Variants in COL6A1 observed in about 807,000 individuals in gnomAD.
COL6A1 encodes collagen alpha-1(VI) chain.
A neutral mutation model predicts 145.6 loss-of-function variants in COL6A1; 80 were observed. The observed-to-expected ratio is 0.55, with a 90% CI of 0.46 to 0.66. COL6A1 has a LOEUF of 0.66. Among genes scored for constraint, COL6A1 ranks in the 30% least tolerant of loss-of-function variants. The probability of loss-of-function intolerance (pLI) is 0.00; values close to 1 mark genes in which losing one functional copy is unlikely to be tolerated. For missense variants in COL6A1, 1,364 were observed against 1,473.8 expected, an observed-to-expected ratio of 0.93 and a Z score of 1.22; for synonymous variants, 638 against 622.8, an observed-to-expected ratio of 1.02 and a Z score of -0.36.
chr21:45,997,023 C>T (rs1000217613), intron 20 of COL6A1, among the ~76,000 whole-genome samples: 18 of 152,244 alleles, frequency 1.2e-4, no homozygotes, highest in African/African-American at 3.6e-4. Flanking sequence ...AGGTGGTCTG[C>T]GGCCTGGGGA....
intron 22 of COL6A1, 43 bp downstream of exon 22, chr21:45,997,805 G>T (rs142212607): frequency 2.3e-5 from 35 of 1,547,468 alleles, no homozygotes; most frequent in Non-Finnish European, 3.1e-5. Flanking sequence ...AGGCCTGGCC[G>T]CCAGAGGCCC....
chr21:45,988,994 G>A lies in COL6A1; in HGVS notation c.805-90G>A, dbSNP rs199519600. ...TAAAGCCCTTGATCCCTGAAGGCTG[G>A]ATGAAGCGTCTTTTTAAAAACCTGT... On this transcript the variant is annotated intron_variant, in intron 8 of 34. Transcript: ENST00000361866. 173 of 1,498,156 alleles carry A rather than the reference G, an allele frequency of 1.2e-4. 2 individuals are homozygous for A. In the East Asian group the frequency reaches 3.9e-3, roughly 34 times the overall value. 92.8% of individuals were successfully genotyped at this position (1,498,156 alleles called of 1,614,324 possible).
intron 27 of COL6A1, among the ~76,000 whole-genome samples, chr21:45,999,900 G>C (rs1569518875): frequency 1.5e-5 from 1 of 65,286 alleles, no homozygotes; most frequent in Non-Finnish European, 3.3e-5. Flanking sequence ...CCATAGAGGG[G>C]ACATGTGAGG....
chr21:46,000,477 C>A, intron 28 of COL6A1, 110 bp downstream of exon 28: 1 of 1,365,074 alleles, frequency 7.3e-7, no homozygotes, highest in Non-Finnish European at 1.0e-6. Flanking sequence ...TCTCTGGGTA[C>A]ATCCTTGAGG....
At position 45,994,347 on chromosome 21, in the gene COL6A1, C is replaced by T. The variant is rs553984686; in HGVS notation, c.1398+118C>T. ...TTCCGTTTGAGGGCCTCTGTGTTTC[C>T]GTAGATCTCGGGGGTGTCCCTGCGT... On this transcript the variant is annotated intron_variant, in intron 20 of 34. Transcript: ENST00000361866. This position sits in a 1 kb window ranked among gnomAD's most constrained non-coding sequence, Gnocchi z 6.8. 1.3e-5 allele frequency: 13 copies of T among 1,026,326 alleles called. No homozygotes were observed. The highest frequency in any genetic ancestry group is 8.4e-5 in the South Asian group (6 of 71,648). 63.6% of individuals were successfully genotyped at this position (1,026,326 alleles called of 1,614,324 possible).
intron 1 of COL6A1, 29 bp downstream of exon 1, chr21:45,981,976 A>C: frequency 6.5e-7 from 1 of 1,542,410 alleles, no homozygotes; most frequent in Non-Finnish European, 8.9e-7. Context: ...TGCAGGCTCC[A>C]GACCCCCCGC....
rs754384963 is a variant in COL6A1 at position 45,998,151 on chromosome 21, G to A, written c.1555G>A (p.Glu519Lys). 49 of 1,612,348 alleles carry A rather than the reference G, an allele frequency of 3.0e-5. No homozygotes were observed. Among genetic ancestry groups the A allele is most frequent in the African/African-American group, 2.7e-5 (2 of 74,894 alleles). ...AGACGGCCCCGCTGGAAATGGCACC[G>A]AGGGCTTCCCCGGCTTCCCCGTAAG... ...GEDGPAGNGT[E>K]GFPGFPGYPG... Residue 519 changes from glutamate (E) to lysine (K), a missense_variant, in exon 23 of 35, where the codon GAG (glutamate) becomes AAG (lysine). Coordinates refer to ENST00000361866, the MANE Select transcript of COL6A1 (RefSeq NM_001848.3).
intron 4 of COL6A1, 27 bp downstream of exon 4, chr21:45,986,712 G>T (rs772877614): frequency 2.3e-5 from 35 of 1,540,816 alleles, no homozygotes; most frequent in South Asian, 1.4e-4. Flanking sequence ...CCCGGCAGAT[G>T]CCCCCAACCA....
At chr21:45,997,876 C>T in intron 22 of COL6A1, 114 bp downstream of exon 22, 1 of 1,245,636 alleles carries the variant, frequency 8.0e-7, no homozygotes, top group South Asian at 1.4e-5. Context: ...CCGGGAGTGC[C>T]CGCAGCATCA....
chr21:45,986,698 C>T lies in COL6A1; in HGVS notation c.588+13C>T. 6 of 1,543,656 alleles carry T rather than the reference C, an allele frequency of 3.9e-6. No homozygotes were observed. Among genetic ancestry groups the T allele is most frequent in the Non-Finnish European group, 5.2e-6 (6 of 1,146,588 alleles). Reference sequence around the variant, plus strand: ...ACCCGACCACCTGGTAGGCACCGGCCCCCCCCGGCAGATGCCCCCAACCAC... The same window carrying T: ...ACCCGACCACCTGGTAGGCACCGGCTCCCCCCGGCAGATGCCCCCAACCAC... On this transcript the variant is annotated intron_variant, in intron 4 of 34. Coordinates refer to ENST00000361866, the MANE Select transcript of COL6A1 (RefSeq NM_001848.3).
chr21:46,000,945 T>C, intron 29 of COL6A1, 178 bp downstream of exon 29: 1 of 850,906 alleles, frequency 1.2e-6, no homozygotes, highest in Non-Finnish European at 1.9e-6. Context: ...GGTGTTGGGC[T>C]GGGCCCCGCC....
chr21:45,997,895 T>G, intron 22 of COL6A1, 133 bp downstream of exon 22: 1 of 1,156,324 alleles, frequency 8.6e-7, no homozygotes, highest in South Asian at 1.5e-5. Flanking sequence ...CACTGGCTCC[T>G]GGCCACAGTC....
At position 45,999,587 on chromosome 21, in the gene COL6A1, G is replaced by C. The variant is rs2077826388; in HGVS notation, c.1741-70G>C. The stretch of plus-strand genomic sequence containing the variant: ...TGAGGGGCAGGGCCCTGGGGGTGGG[G>C]GCTGTCTCAGCTCAGGAAGCACAGT... On this transcript the variant is annotated intron_variant, in intron 26 of 34. Coordinates refer to ENST00000361866, the MANE Select transcript of COL6A1 (RefSeq NM_001848.3). 1.9e-6 allele frequency: 3 copies of C among 1,544,788 alleles called. No homozygotes were observed. The African/African-American group carries it at 4.1e-5, about 21-fold the overall frequency.
Position 45,998,930 on chromosome 21 carries a change from G to C in COL6A1, c.1645G>C (p.Glu549Gln). Residue 549 changes from glutamate (E) to glutamine (Q), a missense_variant, in exon 25 of 35, where the codon GAG becomes CAG. By Grantham distance (29) the Glu-to-Gln change is conservative (BLOSUM62 2). Around this residue, in one of 3 missense-constraint regions of COL6A1, gnomAD observed 938 missense variants for 1,003.8 expected, o/e 0.93. Coordinates refer to ENST00000361866, the MANE Select transcript of COL6A1 (RefSeq NM_001848.3). ...GGGCTACCCCGGCCTCAAGGGGGAC[G>C]AGGGAGAAGCCGGGGACCCCGGAGA... ...TKGYPGLKGD[E>Q]GEAGDPGDDN... 1.3e-6 allele frequency: 2 copies of C among 1,556,454 alleles called. No homozygotes were observed. Among genetic ancestry groups the C allele is most frequent in the Non-Finnish European group, 1.7e-6 (2 of 1,149,508 alleles).
chr21:45,992,678 TC>T (rs2077783461), intron 18 of COL6A1, 69 bp from the exon 19 acceptor site: 1 of 1,482,270 alleles, frequency 6.7e-7, no homozygotes, highest in African/African-American at 1.4e-5. Context: ...AGGCCAGGCC[TC>T]AAGCCCCACC....
Position 45,999,705 on chromosome 21 carries a change from CTG to C in COL6A1, c.1776+16_1776+17del. 1.9e-6 allele frequency: 3 copies of C among 1,609,992 alleles called. No homozygotes were observed. The highest frequency in any genetic ancestry group is 1.7e-5 in the Admixed American group (1 of 59,828). On this transcript the variant is annotated intron_variant, in intron 27 of 34. Transcript: ENST00000361866. The stretch of plus-strand genomic sequence containing the variant: ...GCCTGGGCCGGACGTAAGTGGGGCT[CTG>C]TGAACATTGCTGGGGGCGACCACTG...
Position 46,001,058 on chromosome 21 carries a change from G to A in COL6A1, c.1823-195G>A, listed in dbSNP as rs1569519017. 3 of 831,942 alleles carry A rather than the reference G, an allele frequency of 3.6e-6. 1 individual carries two copies. Among genetic ancestry groups the A allele is most frequent in the South Asian group, 3.5e-5 (2 of 57,832 alleles). The allele number at this position is 831,942 out of a possible 1,614,324, so 51.5% of individuals were successfully genotyped here. On this transcript the variant is annotated intron_variant, in intron 29 of 34. Coordinates refer to ENST00000361866, the MANE Select transcript of COL6A1 (RefSeq NM_001848.3). ...ACCCTAGCCTGGCTGAGCAACGCCAGCCCTGACCAGCCGCCGGACAGAGCA... is the reference window on the plus strand; with the variant it reads ...ACCCTAGCCTGGCTGAGCAACGCCAACCCTGACCAGCCGCCGGACAGAGCA...
At chr21:45,997,100 C>T (rs573008650) in intron 20 of COL6A1, among the ~76,000 whole-genome samples, 151 of 149,724 alleles carry the variant, frequency 1.0e-3, no homozygotes, top group Admixed American at 2.4e-3. Context: ...TCATCTGGGA[C>T]AGGCTTCACC....
chr21:45,982,660 C>T lies in COL6A1; in HGVS notation c.124C>T (p.Leu42=), dbSNP rs2077714658. Residue 42 remains leucine (L), a synonymous_variant, in exon 2 of 35, where the codon CTG becomes TTG. Coordinates refer to ENST00000361866, the MANE Select transcript of COL6A1 (RefSeq NM_001848.3). Reference sequence around the variant, plus strand: ...CTGCCCCGTGGACCTGTTCTTTGTGCTGGACACCTCTGAGAGCGTGGCCCT... The same window carrying T: ...CTGCCCCGTGGACCTGTTCTTTGTGTTGGACACCTCTGAGAGCGTGGCCCT... The part of the protein sequence containing the change: ...QDCPVDLFFV[L]DTSESVALRL... The T allele has an allele frequency of 6.2e-7, 1 of 1,612,778 alleles. No homozygotes were observed. Among genetic ancestry groups the T allele is most frequent in the African/African-American group, 1.3e-5 (1 of 74,938 alleles).
Sources: allele counts gnomAD v4.1 joint callset (sites outside exome capture counted in the v4.1 genomes callset), GRCh38; gene constraint gnomAD v4.1.1; regional missense constraint gnomAD v4.1.1; non-coding constraint Gnocchi (gnomAD v3.1); transcripts MANE v1.5; gene names NCBI Gene and HGNC (gene_info 2026-07-23, HGNC 2026-07-21).